Variants in PPM1E observed in about 807,000 individuals in gnomAD.
PPM1E encodes protein phosphatase 1E.
A neutral mutation model predicts 65.9 loss-of-function variants in PPM1E; 20 were observed. The ratio of observed to expected loss-of-function variants is 0.30; its 90% confidence interval spans 0.21 to 0.44. The LOEUF (loss-of-function observed/expected upper bound fraction) is 0.44, where lower values mean the gene tolerates loss of function less well. Ranked by LOEUF, PPM1E falls within the 20% of genes least tolerant of loss-of-function variation. The pLI is 1.00. For synonymous variants in PPM1E, 352 were observed against 374.9 expected (o/e 0.94, Z 0.70); for missense variants, 713 against 953.1 (o/e 0.75, Z 3.32).
intron 1 of PPM1E, among the ~76,000 whole-genome samples, chr17:58,866,711 G>A (rs2051008203): frequency 6.6e-6 from 1 of 152,022 alleles, no homozygotes; most frequent in Admixed American, 6.5e-5. Flanking sequence ...AATAATCCCT[G>A]GTATCCCCAA....
chr17:58,954,325 C>T (rs1202360489), intron 1 of PPM1E, among the ~76,000 whole-genome samples: 1 of 152,146 alleles, frequency 6.6e-6, no homozygotes, highest in African/African-American at 2.4e-5. Context: ...TTCTTGCTCC[C>T]TTCTAATTTC....
At chr17:58,797,894 AT>A (rs966474016) in intron 1 of PPM1E, among the ~76,000 whole-genome samples, 2 of 152,102 alleles carry the variant, frequency 1.3e-5, no homozygotes, top group African/African-American at 4.8e-5. Context: ...CAGTCTTTTA[AT>A]TTTTGGCTAT....
intron 1 of PPM1E, among the ~76,000 whole-genome samples, chr17:58,887,149 G>A (rs2051275624): frequency 6.7e-6 from 1 of 148,670 alleles, no homozygotes; most frequent in Non-Finnish European, 1.5e-5. Context: ...TACCTCATAA[G>A]TGAGGCCTTC....
chr17:58,934,283 A>T (rs2051945818), intron 1 of PPM1E, among the ~76,000 whole-genome samples: 1 of 152,080 alleles, frequency 6.6e-6, no homozygotes, highest in African/African-American at 2.4e-5. Context: ...CCAATAAGGG[A>T]TTATTTCTCT....
intron 1 of PPM1E, among the ~76,000 whole-genome samples, chr17:58,818,704 T>A (rs1702471351): frequency 6.6e-6 from 1 of 152,232 alleles, no homozygotes; most frequent in African/African-American, 2.4e-5. Context: ...TGACACCACA[T>A]CCTTCTCGTT....
chr17:58,828,202 C>T (rs2050562303), intron 1 of PPM1E, among the ~76,000 whole-genome samples: 1 of 151,080 alleles, frequency 6.6e-6, no homozygotes, highest in Non-Finnish European at 1.5e-5. Flanking sequence ...CTGGGCAATA[C>T]AGTCTCAATC....
At chr17:58,786,235 C>T (rs2050099600) in intron 1 of PPM1E, among the ~76,000 whole-genome samples, 1 of 151,830 alleles carries the variant, frequency 6.6e-6, no homozygotes, top group African/African-American at 2.4e-5. Context: ...AGGATGGTCT[C>T]CGTCTCCTGA....
intron 1 of PPM1E, among the ~76,000 whole-genome samples, chr17:58,819,788 G>A (rs1049635021): frequency 2.6e-5 from 4 of 152,116 alleles, no homozygotes; most frequent in Non-Finnish European, 5.9e-5. Context: ...TGTAATCGCA[G>A]CACTTTGGGA....
intron 1 of PPM1E, among the ~76,000 whole-genome samples, chr17:58,854,074 A>G (rs559014154): frequency 1.5e-4 from 23 of 152,278 alleles, no homozygotes; most frequent in African/African-American, 5.5e-4. Context: ...TCTTTTTTTA[A>G]TGTCCTCTTT....
chr17:58,781,388 G>A (rs959491812), intron 1 of PPM1E, among the ~76,000 whole-genome samples: 2 of 151,704 alleles, frequency 1.3e-5, no homozygotes, highest in African/African-American at 4.8e-5. Context: ...TGATCCACCC[G>A]CCTCAGCCTC....
rs564976079 is a variant in PPM1E, at chr17:58,821,091, T to TTTTG, written c.464+64654_464+64657dup. Among the ~76,000 whole-genome samples, 363 of 152,048 alleles carry TTTTG rather than the reference T, an allele frequency of 2.4e-3. 3 individuals carry two copies. Among genetic ancestry groups the TTTTG allele is most frequent in the Middle Eastern group, 0.017 (5 of 294 alleles). ...ATAAACCTTCAGCTTAGCTTTGTATTTTTGTTTGTTTGTTTGTTTGTTTGT... is the reference window on the plus strand; with the variant it reads ...ATAAACCTTCAGCTTAGCTTTGTATTTTTGTTTGTTTGTTTGTTTGTTTGTTTGT... On this transcript the variant is annotated intron_variant, in intron 1 of 6. Coordinates refer to ENST00000308249, the MANE Select transcript of PPM1E (RefSeq NM_014906.5).
intron 1 of PPM1E, among the ~76,000 whole-genome samples, chr17:58,811,758 C>A (rs770458756): frequency 6.6e-6 from 1 of 152,064 alleles, no homozygotes; most frequent in South Asian, 2.1e-4. Context: ...GCAACCTCCA[C>A]CTCCCGGGGT....
intron 1 of PPM1E, among the ~76,000 whole-genome samples, chr17:58,884,039 A>G (rs1020424320): frequency 6.6e-6 from 1 of 152,162 alleles, no homozygotes; most frequent in African/African-American, 2.4e-5. Flanking sequence ...GCATAGGGTC[A>G]CTTAGTCTCC....
chr17:58,887,573 CAGTT>C (rs1310674329), intron 1 of PPM1E, among the ~76,000 whole-genome samples: 6 of 152,086 alleles, frequency 3.9e-5, no homozygotes, highest in African/African-American at 9.7e-5. Flanking sequence ...AGTATAGAGA[CAGTT>C]AGGTAAGAGA....
At chr17:58,954,185 A>G (rs1346760592) in intron 1 of PPM1E, among the ~76,000 whole-genome samples, 1 of 152,064 alleles carries the variant, frequency 6.6e-6, no homozygotes, top group Non-Finnish European at 1.5e-5. Context: ...AAAACCCAGG[A>G]CTCAGACTTC....
chr17:58,960,384 C>G (rs569682686), intron 2 of PPM1E, among the ~76,000 whole-genome samples: 1 of 152,144 alleles, frequency 6.6e-6, no homozygotes, highest in Non-Finnish European at 1.5e-5. Context: ...ATGGGGTTGT[C>G]TAACTGGCTA....
chr17:58,978,241 G>A (rs142530358), intron 6 of PPM1E, among the ~76,000 whole-genome samples: 29 of 152,200 alleles, frequency 1.9e-4, no homozygotes, highest in Non-Finnish European at 3.4e-4. Context: ...TGACACTAGT[G>A]CTGGTGTCCT....
chr17:58,806,865 G>GTTTT (rs1335505523), intron 1 of PPM1E, among the ~76,000 whole-genome samples: 3 of 123,494 alleles, frequency 2.4e-5, no homozygotes, highest in Non-Finnish European at 5.4e-5. Flanking sequence ...ACGCCCTGCT[G>GTTTT]TGTTTTTTTT....
chr17:58,898,331 G>A (rs867564246), intron 1 of PPM1E, among the ~76,000 whole-genome samples: 11 of 151,226 alleles, frequency 7.3e-5, no homozygotes, highest in South Asian at 2.1e-4. Context: ...AAACAACCCC[G>A]TCAAAAAGTA....
Sources: gnomAD v4.1 joint callset for allele counts (sites outside exome capture counted in the v4.1 genomes callset) on GRCh38, gnomAD v4.1.1 for gene constraint, MANE v1.5 for transcripts, NCBI Gene and HGNC (gene_info 2026-07-23, HGNC 2026-07-21) for gene names.